Variants in MANSC1 observed in about 807,000 individuals in gnomAD.
MANSC1 encodes the protein MANSC domain containing 1, also known as MANSC domain-containing protein 1.
MANSC1 carries 13 observed loss-of-function variants against 14.1 expected under a neutral mutation model. The observed-to-expected ratio is 0.92, with a 90% CI of 0.60 to 1.46. The LOEUF is 1.46. Ranked by LOEUF, MANSC1 falls within the 40% of genes most tolerant of loss-of-function variation. The pLI, the probability that MANSC1 is intolerant of heterozygous loss-of-function variation, is 0.00. For missense variants in MANSC1, 486 were observed against 511.4 expected (o/e 0.95, Z 0.48); for synonymous variants, 227 against 200.7 (o/e 1.13, Z -1.11).
Position 12,330,191 on chromosome 12 carries a change from C to T in MANSC1, c.1132G>A (p.Gly378Ser), listed in dbSNP as rs774445890. Residue 378 changes from glycine to serine, a missense_variant, in exon 4 of 4, where the codon GGC becomes AGC. By Grantham distance (56) the Gly-to-Ser change is moderately conservative. Transcript: ENST00000535902. ...SQGSVPENQY[G>S]LPFEKWLLIG... is the part of the protein sequence containing the mutation. ...AGAAGCCATTTTTCAAATGGAAGGC[C>T]GTACTGATTTTCTGGAACACTGCCC... 18 of 1,614,142 alleles carry T rather than the reference C, an allele frequency of 1.1e-5. No homozygotes were observed. The highest frequency in any genetic ancestry group is 1.6e-4 in the Middle Eastern group (1 of 6,062).
chr12:12,343,201 G>T lies in MANSC1; in HGVS notation c.114C>A (p.Val38=), dbSNP rs926453948. Reference sequence around the variant, plus strand: ...TAGAAAGAGATGACTGGATGTCAATGACAACATCTTCTAGACTCTTTTTGA... The same window carrying T: ...TAGAAAGAGATGACTGGATGTCAATTACAACATCTTCTAGACTCTTTTTGA... The part of the protein sequence containing the change: ...NCLKKSLEDV[V]IDIQSSLSKG... Residue 38 remains valine, a synonymous_variant, in exon 2 of 4, where the codon GTC becomes GTA. Coordinates refer to ENST00000535902, the MANE Select transcript of MANSC1 (RefSeq NM_018050.4). The T allele has an allele frequency of 1.2e-6, 2 of 1,613,664 alleles. No individual in the cohort carries two copies. Among genetic ancestry groups the T allele is most frequent in the African/African-American group, 2.7e-5 (2 of 74,924 alleles).
In MANSC1 at chr12:12,330,630, T is replaced by C. The variant is rs762840853; in HGVS notation, c.693A>G (p.Ala231=). 8 of 1,614,036 alleles carry C rather than the reference T, an allele frequency of 5.0e-6. No individual in the cohort carries two copies. The highest frequency in any genetic ancestry group is 8.5e-7 in the Non-Finnish European group (1 of 1,180,010). The change falls in exon 4 of 4, where the codon GCA becomes GCG. Residue 231 remains alanine, a synonymous_variant. Coordinates refer to ENST00000535902, the MANE Select transcript of MANSC1 (RefSeq NM_018050.4). ...ENVSALPATV[A]VASPHTTSAT... ...CCGAGGTGGTATGTGGAGAAGCAAC[T>C]GCCACCGTAGCTGGGAGCGCACTCA...
intron 1 of MANSC1, 144 bp downstream of exon 1, chr12:12,349,934 C>G (rs1311695242): frequency 6.6e-6 from 1 of 152,280 alleles, no homozygotes; most frequent in Non-Finnish European, 1.5e-5. Context: ...CCTGGTCAGC[C>G]CTTATTGGCC....
chr12:12,339,309 G>C (rs1322646009), intron 2 of MANSC1: 1 of 152,138 alleles, frequency 6.6e-6, no homozygotes, highest in Non-Finnish European at 1.5e-5. Flanking sequence ...CGCTCAAGCT[G>C]AAGTGCAAAT....
chr12:12,347,319 A>T (rs924384248), intron 1 of MANSC1, among the ~76,000 whole-genome samples: 7 of 152,160 alleles, frequency 4.6e-5, no homozygotes, highest in African/African-American at 1.7e-4. Context: ...GATCCCTCAC[A>T]TGTGCAGTTC....
Position 12,326,313 on chromosome 12 carries a change from GT to G in MANSC1, c.*3713del, listed in dbSNP as rs1862700922. On this transcript the variant is annotated 3_prime_UTR_variant, in exon 4 of 4. Coordinates refer to ENST00000535902, the MANE Select transcript of MANSC1 (RefSeq NM_018050.4). The stretch of plus-strand genomic sequence containing the variant: ...GTGGTTAGAAAGGGCTTTTCTCCTT[GT>G]GCAGCCTTCCCTTTACAAGCAAGAA... The G allele has an allele frequency of 6.6e-6, 1 of 152,172 alleles. No homozygotes were observed. The highest frequency in any genetic ancestry group is 1.5e-5 in the Non-Finnish European group (1 of 68,054). 9.4% of individuals were successfully genotyped at this position (152,172 alleles called of 1,614,324 possible).
At chr12:12,338,856 A>T in intron 2 of MANSC1, 1 of 404,722 alleles carries the variant, frequency 2.5e-6, no homozygotes, top group Non-Finnish European at 4.5e-6. Context: ...CCAAGAAGGC[A>T]GGGCTGAAAG....
chr12:12,332,990 G>A (rs1376524664), intron 3 of MANSC1, among the ~76,000 whole-genome samples: 1 of 151,848 alleles, frequency 6.6e-6, no homozygotes, highest in East Asian at 1.9e-4. Context: ...ATCTGCTCTA[G>A]GATATAGTAT....
rs1862781714 is a variant in MANSC1, at chr12:12,330,914, G to A, written c.409C>T (p.Gln137Ter). Reference protein sequence around the residue: ...TRNLPSQELPQEDSLLHGQFS... With the variant: ...TRNLPSQELP The stretch of plus-strand genomic sequence containing the variant: ...TGGCCATGTAAGAGAGAATCTTCCT[G>A]GGGTAACTCTTGGCTTGGCAAATTT... The change falls in exon 4 of 4, where the codon CAG becomes TAG. Residue 137 changes from glutamine (Q) to a stop codon, truncating the protein, a stop_gained. Coordinates refer to ENST00000535902, the MANE Select transcript of MANSC1 (RefSeq NM_018050.4). LOFTEE classifies it low-confidence loss of function (END_TRUNC). 1 of 1,601,786 alleles carries A rather than the reference G, an allele frequency of 6.2e-7. No homozygotes were observed. Among genetic ancestry groups the A allele is most frequent in the Non-Finnish European group, 8.5e-7 (1 of 1,175,540 alleles).
intron 1 of MANSC1, among the ~76,000 whole-genome samples, 173 bp downstream of exon 1, chr12:12,349,905 A>G (rs1863055259): frequency 1.3e-5 from 2 of 152,192 alleles, no homozygotes; most frequent in Non-Finnish European, 2.9e-5. Context: ...CCTTTGGAAT[A>G]CTGCAGCGAC....
At chr12:12,345,320 C>CA (rs35001300) in intron 1 of MANSC1, among the ~76,000 whole-genome samples, 31,348 of 92,818 alleles carry the variant, frequency 0.34, 4,160 homozygotes, top group East Asian at 0.66. Context: ...AACTCCGTCT[C>CA]AAAAAAAAAA....
intron 2 of MANSC1, among the ~76,000 whole-genome samples, chr12:12,340,873 CCT>C (rs1862924026): frequency 6.6e-6 from 1 of 152,122 alleles, no homozygotes; most frequent in Admixed American, 6.5e-5. Context: ...TTAAATTAAA[CCT>C]CTGTCATTTC....
At chr12:12,349,369 A>G (rs1189456059) in intron 1 of MANSC1, among the ~76,000 whole-genome samples, 1 of 152,232 alleles carries the variant, frequency 6.6e-6, no homozygotes, top group East Asian at 1.9e-4. Context: ...AGAAACCTGA[A>G]CTATGTAAGG....
intron 2 of MANSC1, chr12:12,338,917 A>ACACACACACACACACC (rs749773741): frequency 7.9e-5 from 19 of 241,436 alleles, no homozygotes; most frequent in South Asian, 2.7e-4. Flanking sequence ...ACACACACAC[A>ACACACACACACACACC]CCCCTAAGAC....
chr12:12,340,499 G>C (rs1407451215), intron 2 of MANSC1, among the ~76,000 whole-genome samples: 1 of 152,190 alleles, frequency 6.6e-6, no homozygotes, highest in Non-Finnish European at 1.5e-5. Flanking sequence ...TAGGTAAAGG[G>C]GAGGGTCCAT....
chr12:12,339,041 C>A, intron 2 of MANSC1: 1 of 175,088 alleles, frequency 5.7e-6, no homozygotes, highest in Non-Finnish European at 1.2e-5. Context: ...CAAGCCCTGA[C>A]TACTGATGTG....
intron 1 of MANSC1, among the ~76,000 whole-genome samples, chr12:12,346,304 A>G (rs757327376): frequency 6.6e-6 from 1 of 152,192 alleles, no homozygotes; most frequent in Non-Finnish European, 1.5e-5. Context: ...TCCCAACTTG[A>G]GCTACAGATT....
At chr12:12,348,426 A>G (rs1035466990) in intron 1 of MANSC1, among the ~76,000 whole-genome samples, 10 of 152,350 alleles carry the variant, frequency 6.6e-5, no homozygotes, top group South Asian at 6.2e-4. Flanking sequence ...TCTTAACTGC[A>G]TATTCCTAAG....
At chr12:12,341,371 G>A (rs1417022884) in intron 2 of MANSC1, among the ~76,000 whole-genome samples, 1 of 152,164 alleles carries the variant, frequency 6.6e-6, no homozygotes, top group Admixed American at 6.5e-5. Flanking sequence ...ACACTGGGAT[G>A]TGTTCACCAA....
Sources: gnomAD v4.1 joint callset for allele counts (sites outside exome capture counted in the v4.1 genomes callset) on GRCh38, gnomAD v4.1.1 for gene constraint, MANE v1.5 for transcripts, NCBI Gene and HGNC (gene_info 2026-07-23, HGNC 2026-07-21) for gene names.